IFT140: variants seen among roughly 807,000 people sequenced by gnomAD.
IFT140 encodes intraflagellar transport 140, also known as intraflagellar transport protein 140 homolog.
Under a neutral mutation model 164.6 loss-of-function variants are expected in IFT140, and 133 were observed. The ratio of observed to expected loss-of-function variants is 0.81; its 90% CI spans 0.70 to 0.93. The LOEUF (loss-of-function observed/expected upper bound fraction) is 0.93, where lower values mean the gene tolerates loss of function less well. IFT140 is among the 40% of genes least tolerant of loss of function. The pLI is 0.00. For missense variants in IFT140, 2,045 were observed against 1,972.3 expected (o/e 1.04, Z -0.70); for synonymous variants, 860 against 817.3 (o/e 1.05, Z -0.89).
chr16:1,571,418 A>C lies in IFT140; in HGVS notation c.1641T>G (p.Asp547Glu). 1.9e-6 allele frequency: 3 copies of C among 1,612,318 alleles called. No homozygotes were observed. The highest frequency in any genetic ancestry group is 2.2e-5 in the South Asian group (2 of 90,444). The change falls in exon 14 of 31, where the codon GAT (aspartate) becomes GAG (glutamate). Residue 547 changes from aspartate to glutamate, a missense_variant. Asp to Glu is a conservative substitution (Grantham distance 45). Transcript: ENST00000426508. ...GTDLAHFKSF[D>E]LSRREAKAHC... ...GAAAAAAAATTTACCTTCGGGAAAG[A>C]TCAAAGCTTTTAAAGTGAGCCAAGT...
Position 1,535,438 on chromosome 16 carries a change from G to A in IFT140, c.2400-8642C>T, listed in dbSNP as rs569332818. 1.1e-4 allele frequency among the ~76,000 whole-genome samples: 17 copies of A among 152,318 alleles called. No homozygotes were observed. In the East Asian group the frequency reaches 3.1e-3, roughly 28 times the overall value. ...TCTCTGAAACTGTCAGCAAGGTTTT[G>A]ACTCGCAGACACCCCAAGTCTCTGC... is the stretch of plus-strand genomic sequence containing the variant. On this transcript the variant is annotated intron_variant, in intron 19 of 30. Coordinates refer to ENST00000426508, the MANE Select transcript of IFT140 (RefSeq NM_014714.4).
chr16:1,519,751 G>T, intron 29 of IFT140, 130 bp downstream of exon 29: 2 of 844,398 alleles, frequency 2.4e-6, no homozygotes, highest in Non-Finnish European at 3.4e-6. Context: ...TGTGTCTTCA[G>T]CAGTAGTGCT....
At chr16:1,600,503 G>C (rs2035739912) in intron 4 of IFT140, among the ~76,000 whole-genome samples, 1 of 149,360 alleles carries the variant, frequency 6.7e-6, no homozygotes, top group Non-Finnish European at 1.5e-5. Flanking sequence ...AATGGCAAAA[G>C]CATAAGGTTA....
chr16:1,559,044 T>C (rs2033263151), intron 18 of IFT140, among the ~76,000 whole-genome samples: 1 of 152,156 alleles, frequency 6.6e-6, no homozygotes. Flanking sequence ...AGGCCCTTCT[T>C]GGCACAGTGC....
intron 30 of IFT140, among the ~76,000 whole-genome samples, chr16:1,516,938 A>C (rs1317954595): frequency 6.6e-6 from 1 of 152,166 alleles, no homozygotes; most frequent in Non-Finnish European, 1.5e-5. Flanking sequence ...GGTAAACTTG[A>C]AGCAACAGAA....
rs1459007959 is a variant in IFT140, at chr16:1,564,562, GT to G, written c.1902-401del. Among the ~76,000 whole-genome samples the G allele has an allele frequency of 1.3e-5, 2 of 152,150 alleles. No homozygotes were observed. The highest frequency in any genetic ancestry group is 4.8e-5 in the African/African-American group (2 of 41,436). On this transcript the variant is annotated intron_variant, in intron 16 of 30. Coordinates refer to ENST00000426508, the MANE Select transcript of IFT140 (RefSeq NM_014714.4). The surrounding 1 kb of genome is among the most constrained non-coding windows in gnomAD (Gnocchi z 5.5). ...GCTCTGTGGTCATGCCGGGTTCCTTGTCCCCACCGGTCCCTGTGCCATGCTG... is the reference window on the plus strand; with the variant it reads ...GCTCTGTGGTCATGCCGGGTTCCTTGCCCCACCGGTCCCTGTGCCATGCTG...
At chr16:1,589,067 C>T (rs1166836927) in intron 7 of IFT140, among the ~76,000 whole-genome samples, 1 of 152,198 alleles carries the variant, frequency 6.6e-6, no homozygotes, top group African/African-American at 2.4e-5. Context: ...GCCCCTGGGA[C>T]GAGGTCCCTG....
intron 19 of IFT140, among the ~76,000 whole-genome samples, chr16:1,529,747 G>A (rs2030240391): frequency 6.6e-6 from 1 of 152,188 alleles, no homozygotes; most frequent in Non-Finnish European, 1.5e-5. Context: ...CACGTGGAAG[G>A]ACCCATGCGT....
chr16:1,524,878 T>G lies in IFT140; in HGVS notation c.2903A>C (p.Gln968Pro). 1.2e-6 allele frequency: 2 copies of G among 1,612,094 alleles called. No homozygotes were observed. Among genetic ancestry groups the G allele is most frequent in the Non-Finnish European group, 1.7e-6 (2 of 1,179,284 alleles). ...WRWWAQYLES[Q>P]GEMDAALHYY... ...GTGCAGCGCGGCGTCCATCTCGCCC[T>G]GGCTCTCCAGGTACTGCGCCCACCA... Residue 968 changes from glutamine to proline, a missense_variant, in exon 23 of 31, where the codon CAG (glutamine) becomes CCG (proline). Coordinates refer to ENST00000426508, the MANE Select transcript of IFT140 (RefSeq NM_014714.4).
Position 1,510,784 on chromosome 16 carries a change from C to A in IFT140, c.*160G>T. On this transcript the variant is annotated 3_prime_UTR_variant, in exon 31 of 31. Coordinates refer to ENST00000426508, the MANE Select transcript of IFT140 (RefSeq NM_014714.4). ...GAGCAAGGTGCAGACGGGTCACACCCTCCGCCGGCCCGGGCCGCTGCGTTC... is the reference window on the plus strand; with the variant it reads ...GAGCAAGGTGCAGACGGGTCACACCATCCGCCGGCCCGGGCCGCTGCGTTC... 1 of 699,026 alleles carries A rather than the reference C, an allele frequency of 1.4e-6. No homozygotes were observed. 43.3% of individuals were successfully genotyped at this position (699,026 alleles called of 1,614,324 possible). A position where few individuals can be genotyped will look rare whatever the true frequency, so the allele number is the denominator to read the frequency against.
chr16:1,586,960 G>A (rs1248258500), intron 9 of IFT140, among the ~76,000 whole-genome samples: 1 of 152,214 alleles, frequency 6.6e-6, no homozygotes, highest in East Asian at 1.9e-4. Flanking sequence ...TCCCTCCTCA[G>A]CCTCCCCAAG....
chr16:1,519,644 C>T lies in IFT140; in HGVS notation c.4040+237G>A, dbSNP rs2040460419. On this transcript the variant is annotated intron_variant, in intron 29 of 30. Transcript: ENST00000426508. ...GCTCCACATCTGCCTCCTCCTCCCA[C>T]TCCCCCACCAGGTTTCTCTCTCAGC... is the stretch of plus-strand genomic sequence containing the variant. 2.0e-5 allele frequency among the ~76,000 whole-genome samples: 3 copies of T among 152,324 alleles called. No homozygotes were observed. The South Asian group carries it at 6.2e-4, about 32-fold the overall frequency.
intron 14 of IFT140, among the ~76,000 whole-genome samples, chr16:1,570,096 C>T (rs911055644): frequency 1.3e-5 from 2 of 152,160 alleles, no homozygotes; most frequent in Non-Finnish European, 2.9e-5. Context: ...CACTTTCGGG[C>T]AGCACAGATG....
In IFT140 at chr16:1,580,622, C is replaced by T. The variant is rs1054544909; in HGVS notation, c.1524+137G>A. ...AAGCCTCTTTTCTTTATAAATTACC[C>T]GGTCTCAGGTAGTTCTTTACACAGT... is the stretch of plus-strand genomic sequence containing the variant. On this transcript the variant is annotated intron_variant, in intron 13 of 30. Coordinates refer to ENST00000426508, the MANE Select transcript of IFT140 (RefSeq NM_014714.4). The T allele has an allele frequency of 1.5e-5, 9 of 585,584 alleles. No individual in the cohort carries two copies. In the Admixed American group the frequency reaches 1.6e-4, roughly 10 times the overall value. The allele number at this position is 585,584 out of a possible 1,614,324, so 36.3% of individuals were successfully genotyped here. A position where few individuals can be genotyped will look rare whatever the true frequency, so the allele number is the denominator to read the frequency against.
intron 20 of IFT140, 161 bp downstream of exon 20, chr16:1,526,458 T>A (rs2040699987): frequency 2.0e-5 from 16 of 802,882 alleles, no homozygotes; most frequent in Non-Finnish European, 2.6e-5. Flanking sequence ...CCACCTCACC[T>A]CCACCGCCGC....
At chr16:1,558,191 C>T in intron 18 of IFT140, 57 bp from the exon 19 acceptor site, 5 of 1,558,378 alleles carry the variant, frequency 3.2e-6, no homozygotes, top group Non-Finnish European at 4.4e-6. Flanking sequence ...GAAGCCCTCA[C>T]CCAGACCTCG....
At chr16:1,584,952 T>C (rs896786408) in intron 10 of IFT140, among the ~76,000 whole-genome samples, 1 of 152,076 alleles carries the variant, frequency 6.6e-6, no homozygotes, top group African/African-American at 2.4e-5. Context: ...GGCTCAGATG[T>C]TGGACTTAGC....
At chr16:1,592,099 C>A (rs564822880) in intron 6 of IFT140, 77 bp downstream of exon 6, 1 of 1,502,150 alleles carries the variant, frequency 6.7e-7, no homozygotes, top group Admixed American at 1.8e-5. Flanking sequence ...GCAGAAACGC[C>A]ATCTGTGAGT....
intron 20 of IFT140, chr16:1,526,395 C>G (rs992762836): frequency 3.3e-6 from 2 of 611,290 alleles, no homozygotes; most frequent in African/African-American, 3.7e-5. Flanking sequence ...GTTCCAGGCC[C>G]ACACACCTGA....
Sources: gnomAD v4.1 joint callset for allele counts (sites outside exome capture counted in the v4.1 genomes callset) on GRCh38, gnomAD v4.1.1 for gene constraint, Gnocchi (gnomAD v3.1) non-coding constraint, MANE v1.5 for transcripts, NCBI Gene and HGNC (gene_info 2026-07-23, HGNC 2026-07-21) for gene names.